The following CXorf66 variants were observed in gnomAD, a reference collection of about 807,000 sequenced individuals.
CXorf66 encodes chromosome X open reading frame 66.
Under a neutral mutation model 5.0 loss-of-function variants are expected in CXorf66, and 6 were observed. The observed-to-expected ratio is 1.20, with a 90% CI of 0.65 to 2.36. CXorf66 has a LOEUF of 2.36. Ranked by LOEUF, CXorf66 falls within the 30% of genes most tolerant of loss-of-function variation. CXorf66 has a pLI of 0.00. For missense variants in CXorf66, 270 were observed against 254.9 expected (o/e 1.06, Z -0.40); for synonymous variants, 98 against 102.8 (o/e 0.95, Z 0.28).
intron 1 of CXorf66, 61 bp from the exon 2 acceptor site, chrX:139,958,278 T>C: frequency 9.4e-6 from 8 of 850,839 alleles, no homozygotes; most frequent in Non-Finnish European, 1.1e-5. Context: ...TCCACATTGA[T>C]AGTGGTTTGA....
In CXorf66 at chrX:139,956,242, C is replaced by A. The variant is rs762016681; in HGVS notation, c.740G>T (p.Arg247Met). The A allele has an allele frequency of 5.0e-6, 6 of 1,211,701 alleles. No homozygotes were observed. The Admixed American group carries it at 8.7e-5, about 18-fold the overall frequency. Residue 247 changes from arginine (R) to methionine (M), a missense_variant, in exon 3 of 3, where the codon AGG becomes ATG. Coordinates refer to ENST00000370540, the MANE Select transcript of CXorf66 (RefSeq NM_001013403.3). Reference protein sequence around the residue: ...AKPPKHFNPKRSVSLGRAALL... With the variant: ...AKPPKHFNPKMSVSLGRAALL... ...GGCTGCCCTGCCTAGACTCACTGAC[C>A]TTTTTGGATTAAAATGTTTGGGAGG...
intron 1 of CXorf66, among the ~76,000 whole-genome samples, chrX:139,962,992 A>G (rs1469456916): frequency 2.7e-5 from 3 of 112,164 alleles, no homozygotes; most frequent in Non-Finnish European, 3.8e-5. Context: ...AGCTGGAAGC[A>G]TCCCCTTTGA....
At chrX:139,964,663 A>T (rs1438563480) in intron 1 of CXorf66, among the ~76,000 whole-genome samples, 1 of 111,845 alleles carries the variant, frequency 8.9e-6, no homozygotes, top group East Asian at 2.8e-4. Flanking sequence ...GAACCAACCC[A>T]AATGCCCATC....
chrX:139,956,067 G>A lies in CXorf66; in HGVS notation c.915C>T (p.Ser305=), dbSNP rs2085571660. The change falls in exon 3 of 3, where the codon TCC becomes TCT. Residue 305 remains serine, a synonymous_variant. Coordinates refer to ENST00000370540, the MANE Select transcript of CXorf66 (RefSeq NM_001013403.3). ...QNLHVSSKVK[S]SSRSFRKLDS... Reference sequence around the variant, plus strand: ...CTAACTTACGAAAGGACCTGGAAGAGGACTTGACTTTGCTTGAAACATGTA... The same window carrying A: ...CTAACTTACGAAAGGACCTGGAAGAAGACTTGACTTTGCTTGAAACATGTA... 1.4e-5 allele frequency: 17 copies of A among 1,209,244 alleles called. No individual in the cohort carries two copies. The highest frequency in any genetic ancestry group is 2.3e-4 in the Middle Eastern group (1 of 4,348).
At chrX:139,964,009 G>T (rs1454769260) in intron 1 of CXorf66, among the ~76,000 whole-genome samples, 3 of 111,415 alleles carry the variant, frequency 2.7e-5, no homozygotes, top group South Asian at 7.4e-4. Flanking sequence ...ATGGGCAAAG[G>T]CTTCATGACT....
At chrX:139,963,456 A>T (rs1009978936) in intron 1 of CXorf66, among the ~76,000 whole-genome samples, 2 of 112,254 alleles carry the variant, frequency 1.8e-5, no homozygotes, top group Admixed American at 1.9e-4. Flanking sequence ...ATGGATAGGA[A>T]GAATCAATAT....
chrX:139,957,229 T>A (rs1380750580), intron 2 of CXorf66, among the ~76,000 whole-genome samples: 2 of 111,666 alleles, frequency 1.8e-5, no homozygotes, highest in Admixed American at 1.9e-4. Context: ...ACTAAGGTTA[T>A]AAATATGGAC....
At chrX:139,961,297 C>T (rs754643170) in intron 1 of CXorf66, among the ~76,000 whole-genome samples, 2 of 111,339 alleles carry the variant, frequency 1.8e-5, no homozygotes, top group African/African-American at 3.3e-5. Context: ...TCTGAAAAAA[C>T]GGACTTTAAA....
chrX:139,956,317 T>G lies in CXorf66; in HGVS notation c.665A>C (p.Gln222Pro). The change falls in exon 3 of 3, where the codon CAA becomes CCA. Residue 222 changes from glutamine (Q) to proline (P), a missense_variant. Coordinates refer to ENST00000370540, the MANE Select transcript of CXorf66 (RefSeq NM_001013403.3). Reference sequence around the variant, plus strand: ...TGGCTTGGATGGTGAGATTTCATTTTGTGGATGAGATGAATAAAGTGGCTT... The same window carrying G: ...TGGCTTGGATGGTGAGATTTCATTTGGTGGATGAGATGAATAAAGTGGCTT... The part of the protein sequence containing the change: ...LFKPLYSSHP[Q>P]NEISPSKPFG... The G allele has an allele frequency of 8.3e-7, 1 of 1,211,828 alleles. No individual in the cohort carries two copies. Among genetic ancestry groups the G allele is most frequent in the East Asian group, 3.0e-5 (1 of 33,854 alleles).
At position 139,965,473 on chromosome X, in the gene CXorf66, T is replaced by C. The variant is rs1926668542; in HGVS notation, c.24A>G (p.Leu8=). 7.5e-6 allele frequency: 9 copies of C among 1,206,256 alleles called. No homozygotes were observed. The East Asian group carries it at 2.7e-4, about 36-fold the overall frequency. The part of the protein sequence containing the change: MNLVICV[L]LLSIWKNNCM... ...AATTATTTTTCCAAATGGACAAAAG[T>C]AGGACACAAATAACAAGATTCATGT... Residue 8 remains leucine, a synonymous_variant, in exon 1 of 3, where the codon CTA becomes CTG. Transcript: ENST00000370540.
At chrX:139,959,511 G>T (rs1429293302) in intron 1 of CXorf66, among the ~76,000 whole-genome samples, 2 of 112,411 alleles carry the variant, frequency 1.8e-5, no homozygotes, top group Non-Finnish European at 3.8e-5. Flanking sequence ...AAACATTCCT[G>T]CCTGCCAGCT....
chrX:139,955,739 C>G lies in CXorf66; in HGVS notation c.*157G>C. Reference sequence around the variant, plus strand: ...AATTACAATAGTAATTTATGTCATGCATTTTATTGATATTTTTAAAATAAA... The same window carrying G: ...AATTACAATAGTAATTTATGTCATGGATTTTATTGATATTTTTAAAATAAA... On this transcript the variant is annotated 3_prime_UTR_variant, in exon 3 of 3. Coordinates refer to ENST00000370540, the MANE Select transcript of CXorf66 (RefSeq NM_001013403.3). 1 of 422,033 alleles carries G rather than the reference C, an allele frequency of 2.4e-6. No homozygotes were observed. Among genetic ancestry groups the G allele is most frequent in the Non-Finnish European group, 3.9e-6 (1 of 256,493 alleles). 34.8% of individuals were successfully genotyped at this position (422,033 alleles called of 1,213,427 possible).
At chrX:139,958,357 G>A (rs1341392293) in intron 1 of CXorf66, 140 bp from the exon 2 acceptor site, 4 of 463,630 alleles carry the variant, frequency 8.6e-6, no homozygotes, top group Non-Finnish European at 1.4e-5. Flanking sequence ...CCACTGTTAT[G>A]TTTTTACCTC....
rs192153948 is a variant in CXorf66 at position 139,964,159 on chromosome X, A to G, written c.88+1250T>C. 2.2e-3 allele frequency among the ~76,000 whole-genome samples: 247 copies of G among 112,246 alleles called. 2 individuals are homozygous for G. Among genetic ancestry groups the G allele is most frequent in the African/African-American group, 7.6e-3 (236 of 30,916 alleles). ...GAATGGGAGAAAATTTTTACAATCT[A>G]TCCATCTGAGAAAGGGCTAATATCC... On this transcript the variant is annotated intron_variant, in intron 1 of 2. Transcript: ENST00000370540.
intron 1 of CXorf66, among the ~76,000 whole-genome samples, chrX:139,958,858 G>C (rs1275927634): frequency 8.9e-6 from 1 of 112,329 alleles, no homozygotes; most frequent in Non-Finnish European, 1.9e-5. Flanking sequence ...CCAGCCAAGG[G>C]AAGCAGTGAG....
chrX:139,956,680 G>A lies in CXorf66; in HGVS notation c.302C>T (p.Thr101Ile). The change falls in exon 3 of 3, where the codon ACA (threonine) becomes ATA (isoleucine). Residue 101 changes from threonine (T) to isoleucine (I), a missense_variant. Thr to Ile is a moderately conservative substitution (Grantham distance 89, BLOSUM62 -1). Coordinates refer to ENST00000370540, the MANE Select transcript of CXorf66 (RefSeq NM_001013403.3). Reference protein sequence around the residue: ...SSKTSFSEAKTASQCSPETQP... With the variant: ...SSKTSFSEAKIASQCSPETQP... Reference sequence around the variant, plus strand: ...TGTTTCTGGACTGCATTGAGAGGCTGTCTTGGCTTCACTGAATGATGTTTT... The same window carrying A: ...TGTTTCTGGACTGCATTGAGAGGCTATCTTGGCTTCACTGAATGATGTTTT... The A allele has an allele frequency of 8.3e-7, 1 of 1,210,033 alleles. No individual in the cohort carries two copies. The highest frequency in any genetic ancestry group is 1.1e-6 in the Non-Finnish European group (1 of 894,004).
Position 139,965,102 on chromosome X carries a change from C to T in CXorf66, c.88+307G>A, listed in dbSNP as rs191534111. 2.7e-5 allele frequency among the ~76,000 whole-genome samples: 3 copies of T among 111,158 alleles called. No individual in the cohort carries two copies. In the East Asian group the frequency reaches 8.5e-4, roughly 31 times the overall value. On this transcript the variant is annotated intron_variant, in intron 1 of 2. Transcript: ENST00000370540. ...AAAAAAACAAAAAACAAAAATAAACCCCTACTGTATGTTAAGTCCCTTGCC... is the reference window on the plus strand; with the variant it reads ...AAAAAAACAAAAAACAAAAATAAACTCCTACTGTATGTTAAGTCCCTTGCC...
At chrX:139,956,790 A>G in intron 2 of CXorf66, 51 bp from the exon 3 acceptor site, 3 of 1,110,137 alleles carry the variant, frequency 2.7e-6, no homozygotes, top group Non-Finnish European at 3.6e-6. Flanking sequence ...AAAGAGACCT[A>G]TTACTATTAT....
chrX:139,961,708 C>T (rs772462173), intron 1 of CXorf66, among the ~76,000 whole-genome samples: 10 of 111,957 alleles, frequency 8.9e-5, no homozygotes, highest in Non-Finnish European at 1.5e-4. Context: ...GAACGGAAAT[C>T]ATAACGAATG....
Sources: gnomAD v4.1 joint callset for allele counts (sites outside exome capture counted in the v4.1 genomes callset) on GRCh38, gnomAD v4.1.1 for gene constraint, MANE v1.5 for transcripts, NCBI Gene and HGNC (gene_info 2026-07-23, HGNC 2026-07-21) for gene names.